Variants in TRPC7 observed in about 807,000 individuals in gnomAD.
The protein encoded by TRPC7 is short transient receptor potential channel 7.
In TRPC7, 42 loss-of-function variants were observed where a neutral mutation model predicts 90.1. The ratio of observed to expected loss-of-function variants is 0.47; its 90% CI spans 0.36 to 0.60. The LOEUF is 0.60. Among genes scored for constraint, TRPC7 ranks in the 20% least tolerant of loss-of-function variants. The pLI is 0.00. For synonymous variants in TRPC7, 451 were observed against 436.3 expected, an observed-to-expected ratio of 1.03 and a Z score of -0.42; for missense variants, 955 against 1,112.3, an observed-to-expected ratio of 0.86 and a Z score of 2.01.
At position 136,365,274 on chromosome 5, in the gene TRPC7, C is replaced by A; in HGVS notation, c.-20G>T. 1 of 1,537,088 alleles carries A rather than the reference C, an allele frequency of 6.5e-7. No homozygotes were observed. Among genetic ancestry groups the A allele is most frequent in the Non-Finnish European group, 8.7e-7 (1 of 1,146,830 alleles). On this transcript the variant is annotated 5_prime_UTR_variant, in exon 1 of 12. Transcript: ENST00000513104. ...TTACATTGAGGGTGTAATACGCAGGCTTGTTCCTCCTCTAGATGACCGGAA... is the reference window on the plus strand; with the variant it reads ...TTACATTGAGGGTGTAATACGCAGGATTGTTCCTCCTCTAGATGACCGGAA...
intron 2 of TRPC7, among the ~76,000 whole-genome samples, chr5:136,349,413 A>T (rs887887887): frequency 2.6e-5 from 4 of 152,146 alleles, no homozygotes; most frequent in African/African-American, 7.2e-5. Context: ...TGGGAGGAAA[A>T]GTTGTGGTGC....
intron 7 of TRPC7, among the ~76,000 whole-genome samples, chr5:136,243,344 A>G (rs1335141442): frequency 1.3e-5 from 2 of 150,438 alleles, no homozygotes; most frequent in Non-Finnish European, 3.0e-5. Context: ...GGGAGGTCAA[A>G]AGTGGGGCTG....
At chr5:136,358,471 G>A (rs1760460155) in intron 1 of TRPC7, among the ~76,000 whole-genome samples, 1 of 152,176 alleles carries the variant, frequency 6.6e-6, no homozygotes, top group African/African-American at 2.4e-5. Flanking sequence ...ATCCTCAGAT[G>A]AAGATACTAA....
chr5:136,322,403 A>T (rs1215542679), intron 2 of TRPC7, among the ~76,000 whole-genome samples: 2 of 152,190 alleles, frequency 1.3e-5, no homozygotes, highest in African/African-American at 4.8e-5. Context: ...ATATACAGTA[A>T]ATGCATGTTT....
chr5:136,245,783 G>A (rs925949828), intron 7 of TRPC7, among the ~76,000 whole-genome samples: 15 of 152,312 alleles, frequency 9.8e-5, no homozygotes, highest in Non-Finnish European at 2.2e-4. Context: ...TGTGTTTCAG[G>A]CACTTTATGT....
At chr5:136,228,916 G>A (rs544551336) in intron 8 of TRPC7, among the ~76,000 whole-genome samples, 19 of 152,290 alleles carry the variant, frequency 1.2e-4, no homozygotes, top group Middle Eastern at 3.4e-3. Flanking sequence ...ATCACATGCC[G>A]TGGGCTTGCC....
intron 6 of TRPC7, among the ~76,000 whole-genome samples, chr5:136,251,196 G>A (rs1293713179): frequency 6.6e-6 from 1 of 152,158 alleles, no homozygotes; most frequent in African/African-American, 2.4e-5. Flanking sequence ...TTCTAAGAAT[G>A]TATCTTGCCA....
intron 5 of TRPC7, among the ~76,000 whole-genome samples, chr5:136,263,931 A>C (rs1580876922): frequency 6.6e-6 from 1 of 152,352 alleles, no homozygotes; most frequent in Non-Finnish European, 1.5e-5. Flanking sequence ...AGATAGGTCC[A>C]TGGAATTCAT....
chr5:136,315,822 C>T (rs1444418315), intron 2 of TRPC7, 43 bp from the exon 3 acceptor site: 1 of 1,585,376 alleles, frequency 6.3e-7, no homozygotes, highest in Non-Finnish European at 8.6e-7. Context: ...ACATGGAGGC[C>T]CGCAGATTGG....
chr5:136,363,489 A>G, intron 1 of TRPC7, among the ~76,000 whole-genome samples: 1 of 152,192 alleles, frequency 6.6e-6, no homozygotes, highest in East Asian at 1.9e-4. Flanking sequence ...AAGAAAAAAA[A>G]GATATATACC....
At chr5:136,287,687 C>CAAAAAAAAAAAA (rs767031610) in intron 3 of TRPC7, among the ~76,000 whole-genome samples, 5 of 59,516 alleles carry the variant, frequency 8.4e-5, no homozygotes, top group South Asian at 8.5e-4. Context: ...AGTGGATGCT[C>CAAAAAAAAAAAA]AAAAAAAAAA....
intron 3 of TRPC7, among the ~76,000 whole-genome samples, chr5:136,299,528 A>G (rs1029243324): frequency 3.9e-5 from 6 of 152,206 alleles, no homozygotes; most frequent in Admixed American, 6.5e-5. Context: ...AATTATACTT[A>G]CAAAACTCCC....
chr5:136,337,484 G>A (rs903083471), intron 2 of TRPC7, among the ~76,000 whole-genome samples: 12 of 152,048 alleles, frequency 7.9e-5, no homozygotes, highest in African/African-American at 2.7e-4. Flanking sequence ...TGGCTAACAC[G>A]GTGAAACCTC....
intron 4 of TRPC7, among the ~76,000 whole-genome samples, chr5:136,273,198 C>A (rs1757259549): frequency 3.3e-5 from 5 of 151,824 alleles, no homozygotes; most frequent in Admixed American, 3.3e-4. Context: ...TCCCTACTCA[C>A]TGGGGCTCTG....
chr5:136,343,701 G>A (rs1759915750), intron 2 of TRPC7, among the ~76,000 whole-genome samples: 1 of 152,090 alleles, frequency 6.6e-6, no homozygotes, highest in South Asian at 2.1e-4. Context: ...TTTTTCTCTT[G>A]TTAATCTGTC....
chr5:136,229,221 G>A (rs1195753143), intron 8 of TRPC7, among the ~76,000 whole-genome samples: 3 of 152,204 alleles, frequency 2.0e-5, no homozygotes, highest in Non-Finnish European at 4.4e-5. Context: ...ACAATGTGCT[G>A]TATTTTTCTG....
At chr5:136,275,097 A>G (rs1757321968) in intron 3 of TRPC7, among the ~76,000 whole-genome samples, 2 of 152,124 alleles carry the variant, frequency 1.3e-5, no homozygotes, top group Admixed American at 1.3e-4. Flanking sequence ...AGAAAAGTCT[A>G]AGGCACAGAA....
intron 2 of TRPC7, among the ~76,000 whole-genome samples, chr5:136,347,805 G>T (rs28406771): frequency 1.3e-5 from 2 of 152,154 alleles, no homozygotes; most frequent in Non-Finnish European, 2.9e-5. Flanking sequence ...TCTCTGTTCT[G>T]CTTCCTGTCC....
intron 2 of TRPC7, among the ~76,000 whole-genome samples, chr5:136,317,526 G>A (rs530398836): frequency 7.7e-4 from 117 of 152,264 alleles, no homozygotes; most frequent in African/African-American, 2.5e-3. Flanking sequence ...GAGGCTCAAG[G>A]TACACTGGGC....
Sources: allele counts gnomAD v4.1 joint callset (sites outside exome capture counted in the v4.1 genomes callset), GRCh38; gene constraint gnomAD v4.1.1; transcripts MANE v1.5; gene names NCBI Gene and HGNC (gene_info 2026-07-23, HGNC 2026-07-21).